Variants in DDX10 observed in about 807,000 individuals in gnomAD.
DDX10 encodes the protein DEAD-box helicase 10, also known as probable ATP-dependent RNA helicase DDX10.
Under a neutral mutation model 104.3 loss-of-function variants are expected in DDX10, and 74 were observed. The ratio of observed to expected loss-of-function variants is 0.71; its 90% CI spans 0.59 to 0.86. The LOEUF is 0.86. DDX10 is among the 40% of genes least tolerant of loss of function. The pLI, the probability that DDX10 is intolerant of heterozygous loss-of-function variation, is 0.00. For missense variants in DDX10, 952 were observed against 1,040.0 expected (o/e 0.92, Z 1.16); for synonymous variants, 351 against 353.4 (o/e 0.99, Z 0.08).
chr11:108,874,998 C>T (rs886440877), intron 16 of DDX10, among the ~76,000 whole-genome samples: 2 of 152,082 alleles, frequency 1.3e-5, no homozygotes, highest in African/African-American at 4.8e-5. Context: ...TATTTCATAG[C>T]ACTGTTTGGG....
chr11:108,937,380 G>A (rs1019354105), intron 17 of DDX10, among the ~76,000 whole-genome samples: 3 of 152,058 alleles, frequency 2.0e-5, no homozygotes, highest in African/African-American at 4.8e-5. Context: ...TTAAAAAATC[G>A]GTTCAATTTC....
chr11:108,927,295 A>C (rs1464802082), intron 17 of DDX10, among the ~76,000 whole-genome samples: 4 of 152,190 alleles, frequency 2.6e-5, no homozygotes, highest in Non-Finnish European at 5.9e-5. Flanking sequence ...CCTATTTTGT[A>C]ATTTAACACA....
At chr11:108,844,646 G>A (rs2134598972) in intron 15 of DDX10, among the ~76,000 whole-genome samples, 1 of 152,244 alleles carries the variant, frequency 6.6e-6, no homozygotes, top group South Asian at 2.1e-4. Flanking sequence ...GGAATTAGTA[G>A]GTTGGTGAAA....
intron 16 of DDX10, among the ~76,000 whole-genome samples, chr11:108,876,936 C>T (rs1863160776): frequency 6.6e-6 from 1 of 152,112 alleles, no homozygotes; most frequent in South Asian, 2.1e-4. Flanking sequence ...TCAAAAACCT[C>T]CCCTATAAAG....
intron 13 of DDX10, among the ~76,000 whole-genome samples, chr11:108,757,528 A>G (rs974066006): frequency 6.6e-5 from 10 of 152,086 alleles, no homozygotes. Context: ...AGTGCTCCCA[A>G]GGGATTTCCT....
At chr11:108,748,940 A>G (rs2094335073) in intron 13 of DDX10, among the ~76,000 whole-genome samples, 1 of 152,066 alleles carries the variant, frequency 6.6e-6, no homozygotes, top group African/African-American at 2.4e-5. Context: ...CCAAGATTAC[A>G]GGCATGAGCC....
chr11:108,688,987 A>T lies in DDX10; in HGVS notation c.900A>T (p.Lys300Asn). The T allele has an allele frequency of 6.2e-7, 1 of 1,614,132 alleles. No individual in the cohort carries two copies. Among genetic ancestry groups the T allele is most frequent in the Non-Finnish European group, 8.5e-7 (1 of 1,179,974 alleles). ...QNYIVCELQQKISVLYSFLRS... is the reference protein window; with the variant it reads ...QNYIVCELQQNISVLYSFLRS... ...ACATAGTCTGTGAGCTGCAGCAAAAAATAAGTGTGCTGTATTCCTTTTTGA... is the reference window on the plus strand; with the variant it reads ...ACATAGTCTGTGAGCTGCAGCAAAATATAAGTGTGCTGTATTCCTTTTTGA... The change falls in exon 7 of 18, where the codon AAA (lysine) becomes AAT (asparagine). Residue 300 changes from lysine (K) to asparagine (N), a missense_variant. Lys to Asn is a moderately conservative substitution (Grantham distance 94, BLOSUM62 0). Transcript: ENST00000322536.
At chr11:108,838,635 T>G (rs958219746) in intron 14 of DDX10, 70 bp downstream of exon 14, 3 of 1,476,688 alleles carry the variant, frequency 2.0e-6, no homozygotes, top group Non-Finnish European at 2.7e-6. Context: ...TCTCTCTTAC[T>G]TAGCACTCAT....
At chr11:108,762,219 A>G (rs1007676307) in intron 13 of DDX10, among the ~76,000 whole-genome samples, 1 of 152,198 alleles carries the variant, frequency 6.6e-6, no homozygotes, top group Non-Finnish European at 1.5e-5. Context: ...TTGACAAAAC[A>G]GGCATCTACT....
chr11:108,854,051 A>G (rs1390047180), intron 16 of DDX10, among the ~76,000 whole-genome samples: 1 of 152,222 alleles, frequency 6.6e-6, no homozygotes, highest in Non-Finnish European at 1.5e-5. Context: ...CAGAGGGATC[A>G]GTGGCTGGTC....
chr11:108,768,720 T>C (rs2094359299), intron 13 of DDX10, among the ~76,000 whole-genome samples: 1 of 152,192 alleles, frequency 6.6e-6, no homozygotes, highest in Admixed American at 6.5e-5. Flanking sequence ...ATTTAAATGT[T>C]ACTACATTCC....
intron 16 of DDX10, among the ~76,000 whole-genome samples, chr11:108,858,790 G>T (rs1461574279): frequency 6.6e-6 from 1 of 152,040 alleles, no homozygotes; most frequent in African/African-American, 2.4e-5. Flanking sequence ...CTAACTTCGA[G>T]CTCCTCAAGT....
chr11:108,732,487 G>T (rs1235698494), intron 13 of DDX10, among the ~76,000 whole-genome samples: 1 of 152,170 alleles, frequency 6.6e-6, no homozygotes, highest in Non-Finnish European at 1.5e-5. Context: ...AGTATAAAAT[G>T]AATGTTTGCC....
intron 13 of DDX10, among the ~76,000 whole-genome samples, chr11:108,827,137 T>C (rs1040381436): frequency 2.0e-5 from 3 of 152,228 alleles, no homozygotes; most frequent in Non-Finnish European, 4.4e-5. Context: ...CTCACAATTG[T>C]TCTGAACATT....
chr11:108,685,583 C>T (rs2094242763), intron 6 of DDX10, among the ~76,000 whole-genome samples: 1 of 152,344 alleles, frequency 6.6e-6, no homozygotes, highest in East Asian at 1.9e-4. Context: ...CTTATAAAAT[C>T]CTTCTAGCAG....
chr11:108,869,248 C>T (rs538563897), intron 16 of DDX10, among the ~76,000 whole-genome samples: 34 of 151,720 alleles, frequency 2.2e-4, no homozygotes, highest in African/African-American at 8.2e-4. Flanking sequence ...AAATTCCAGC[C>T]CATTTACCTG....
chr11:108,837,607 CTTTTTTTTTTTTTTTTT>C lies in DDX10; in HGVS notation c.1966-820_1966-804del, dbSNP rs142381520. On this transcript the variant is annotated intron_variant, in intron 13 of 17. Transcript: ENST00000322536. ...TTCTGCATCTCACCTTTGGATACAG[CTTTTTTTTTTTTTTTTT>C]TTTTTTTTTTTTTTTTTTAGGCAAA... Among the ~76,000 whole-genome samples the C allele has an allele frequency of 3.4e-3, 117 of 34,752 alleles. 2 individuals are homozygous for C. Among genetic ancestry groups the C allele is most frequent in the African/African-American group, 0.011 (91 of 7,930 alleles). The allele number at this position is 34,752 out of a possible 152,430, so 22.8% of individuals were successfully genotyped here. A position where few individuals can be genotyped will look rare whatever the true frequency, so the allele number is the denominator to read the frequency against.
chr11:108,824,055 T>G (rs968916377), intron 13 of DDX10, among the ~76,000 whole-genome samples: 2 of 152,212 alleles, frequency 1.3e-5, no homozygotes, highest in African/African-American at 4.8e-5. Context: ...CCCAGGATTT[T>G]TTTTTGAAAC....
chr11:108,746,918 C>T (rs535449866), intron 13 of DDX10, among the ~76,000 whole-genome samples: 1 of 151,998 alleles, frequency 6.6e-6, no homozygotes, highest in Admixed American at 6.6e-5. Context: ...GGGAAGGTAA[C>T]GCAAGGGGCT....
Sources: gnomAD v4.1 joint callset for allele counts (sites outside exome capture counted in the v4.1 genomes callset) on GRCh38, gnomAD v4.1.1 for gene constraint, MANE v1.5 for transcripts, NCBI Gene and HGNC (gene_info 2026-07-23, HGNC 2026-07-21) for gene names.